Variants in BAZ1B observed in about 807,000 individuals in gnomAD.
BAZ1B encodes tyrosine-protein kinase BAZ1B.
In BAZ1B, 22 loss-of-function variants were observed where a neutral mutation model predicts 153.8. That is an observed-to-expected ratio of 0.14 (90% CI 0.10 to 0.20). The LOEUF is 0.20. Ranked by LOEUF, BAZ1B falls within the 10% of genes least tolerant of loss-of-function variation. The pLI, the probability that BAZ1B is intolerant of heterozygous loss-of-function variation, is 1.00. For missense variants in BAZ1B, 1,325 were observed against 1,799.3 expected (o/e 0.74, Z 4.77); for synonymous variants, 676 against 633.4 (o/e 1.07, Z -1.01).
chr7:73,489,129 T>C (rs1789533845), intron 6 of BAZ1B, 65 bp downstream of exon 6: 8 of 1,494,944 alleles, frequency 5.4e-6, no homozygotes, highest in East Asian at 2.3e-5. Context: ...AATATAAATA[T>C]ACTGGAGCCA....
At chr7:73,482,639 C>A (rs1015330773) in intron 6 of BAZ1B, among the ~76,000 whole-genome samples, 8 of 152,146 alleles carry the variant, frequency 5.3e-5, no homozygotes, top group African/African-American at 1.7e-4. Flanking sequence ...AAAGAAAAAT[C>A]ACTCACATTT....
intron 6 of BAZ1B, among the ~76,000 whole-genome samples, chr7:73,486,387 C>T (rs1264809243): frequency 1.3e-5 from 2 of 152,094 alleles, no homozygotes; most frequent in African/African-American, 2.4e-5. Context: ...AGTGCAGTGG[C>T]GTGATCTCGG....
At chr7:73,505,446 G>A (rs782443038) in intron 3 of BAZ1B, among the ~76,000 whole-genome samples, 36 of 152,214 alleles carry the variant, frequency 2.4e-4, no homozygotes, top group Non-Finnish European at 2.5e-4. Context: ...AGATAATCAC[G>A]TCTGTCTTGT....
At chr7:73,506,342 C>T (rs1157085129) in intron 3 of BAZ1B, among the ~76,000 whole-genome samples, 2 of 151,386 alleles carry the variant, frequency 1.3e-5, no homozygotes, top group African/African-American at 4.9e-5. Flanking sequence ...ATTAAAAATA[C>T]AAAAAAATTA....
At chr7:73,463,632 G>A (rs1284187387) in intron 11 of BAZ1B, among the ~76,000 whole-genome samples, 1 of 151,952 alleles carries the variant, frequency 6.6e-6, no homozygotes, top group Non-Finnish European at 1.5e-5. Flanking sequence ...GCTATCAAAT[G>A]CTCTGCCCAA....
chr7:73,449,467 TG>T (rs1787953854), intron 15 of BAZ1B, 74 bp downstream of exon 15: 1 of 1,482,148 alleles, frequency 6.7e-7, no homozygotes, highest in Non-Finnish European at 9.0e-7. Context: ...TCATTCTGTT[TG>T]AATAACTCAA....
chr7:73,455,726 C>T (rs1220576780), intron 13 of BAZ1B, among the ~76,000 whole-genome samples: 3 of 152,032 alleles, frequency 2.0e-5, no homozygotes, highest in South Asian at 2.1e-4. Context: ...GAGGCTGCAG[C>T]GAGCCATGAC....
Position 73,452,499 on chromosome 7 carries a change from G to A in BAZ1B, c.3433-1505C>T, listed in dbSNP as rs1450923810. 7.2e-5 allele frequency among the ~76,000 whole-genome samples: 11 copies of A among 152,028 alleles called. 1 individual carries two copies. Among genetic ancestry groups the A allele is most frequent in the South Asian group, 4.2e-4 (2 of 4,816 alleles). On this transcript the variant is annotated intron_variant, in intron 13 of 19. Coordinates refer to ENST00000339594, the MANE Select transcript of BAZ1B (RefSeq NM_032408.4). ...AGCACTTTGGGAGGCCGAGGCGGGC[G>A]GATCACAAAGTCAGGAGTTCGAGAC...
intron 1 of BAZ1B, among the ~76,000 whole-genome samples, chr7:73,517,985 G>A (rs571872556): frequency 6.6e-6 from 1 of 152,160 alleles, no homozygotes; most frequent in Non-Finnish European, 1.5e-5. Context: ...CAAAGAGTGA[G>A]CCAACTCAAG....
In BAZ1B at chr7:73,444,255, G is replaced by A. The variant is rs147456210; in HGVS notation, c.3845-126C>T. The A allele has an allele frequency of 4.0e-4, 442 of 1,103,056 alleles. No individual in the cohort carries two copies. In the African/African-American group the frequency reaches 6.6e-3, roughly 17 times the overall value. The allele number at this position is 1,103,056 out of a possible 1,614,324, so 68.3% of individuals were successfully genotyped here. On this transcript the variant is annotated intron_variant, in intron 16 of 19. Coordinates refer to ENST00000339594, the MANE Select transcript of BAZ1B (RefSeq NM_032408.4). ...ACAAGGAAAGCAGTGGCCTCCTTTG[G>A]TTTTAAGGTGCTCTTGCTATTTTAT...
intron 3 of BAZ1B, among the ~76,000 whole-genome samples, chr7:73,507,790 G>T (rs782487074): frequency 2.6e-5 from 4 of 152,044 alleles, no homozygotes; most frequent in Non-Finnish European, 4.4e-5. Flanking sequence ...CTTAAGCCAG[G>T]GAGTCCAAGG....
At chr7:73,447,404 G>A (rs781955892) in intron 15 of BAZ1B, 25 bp from the exon 16 acceptor site, 5 of 1,595,648 alleles carry the variant, frequency 3.1e-6, no homozygotes, top group Non-Finnish European at 4.3e-6. Flanking sequence ...AATAATGTAG[G>A]GAACACAGTT....
At chr7:73,446,513 T>C (rs1270064277) in intron 16 of BAZ1B, among the ~76,000 whole-genome samples, 1 of 129,938 alleles carries the variant, frequency 7.7e-6, no homozygotes, top group Non-Finnish European at 1.5e-5. Context: ...GTCATACCAC[T>C]GCACTCCAGC....
intron 13 of BAZ1B, among the ~76,000 whole-genome samples, chr7:73,458,922 T>C (rs1377173711): frequency 6.6e-6 from 1 of 151,910 alleles, no homozygotes; most frequent in African/African-American, 2.4e-5. Flanking sequence ...TGTTAATGTG[T>C]TTAAAAGTCA....
chr7:73,497,638 G>A (rs926544733), intron 4 of BAZ1B, among the ~76,000 whole-genome samples: 1 of 151,976 alleles, frequency 6.6e-6, no homozygotes, highest in Non-Finnish European at 1.5e-5. Context: ...ACTGTCACAA[G>A]CCTCCAAAGA....
At chr7:73,518,319 A>C (rs2115624045) in intron 1 of BAZ1B, among the ~76,000 whole-genome samples, 1 of 151,942 alleles carries the variant, frequency 6.6e-6, no homozygotes, top group African/African-American at 2.4e-5. Flanking sequence ...AGGCTGAGGC[A>C]GGAAAATGGC....
rs782629460 is a variant in BAZ1B, at chr7:73,466,290, C to T, written c.2972+6G>A. On this transcript the variant is annotated splice_donor_region_variant and intron_variant, in intron 10 of 19. Transcript: ENST00000339594. ...GAAAGAGCAACCAGATGAATGCTCA[C>T]ATTACCATAGGTTCTGTCCTTGTTT... 1.3e-6 allele frequency: 2 copies of T among 1,591,970 alleles called. No individual in the cohort carries two copies. The highest frequency in any genetic ancestry group is 1.7e-6 in the Non-Finnish European group (2 of 1,160,504).
rs2115564921 is a variant in BAZ1B at position 73,510,722 on chromosome 7, C to A, written c.224+14G>T. ...GTGAAGATGGTGGCAAAGAGCAATA[C>A]TTCCATTACTTACAGCTCAGCAACT... On this transcript the variant is annotated intron_variant, in intron 2 of 19. Coordinates refer to ENST00000339594, the MANE Select transcript of BAZ1B (RefSeq NM_032408.4). The A allele has an allele frequency of 6.2e-7, 1 of 1,604,380 alleles. No homozygotes were observed. The highest frequency in any genetic ancestry group is 2.2e-5 in the East Asian group (1 of 44,812).
At chr7:73,455,038 G>A (rs1788144202) in intron 13 of BAZ1B, among the ~76,000 whole-genome samples, 1 of 151,752 alleles carries the variant, frequency 6.6e-6, no homozygotes, top group African/African-American at 2.4e-5. Flanking sequence ...GTGTGTGTGT[G>A]TGTGTGTGCA....
Sources: allele counts gnomAD v4.1 joint callset (sites outside exome capture counted in the v4.1 genomes callset), GRCh38; gene constraint gnomAD v4.1.1; transcripts MANE v1.5; gene names NCBI Gene and HGNC (gene_info 2026-07-23, HGNC 2026-07-21).